The following SKAP2 variants were observed in gnomAD, a reference collection of about 807,000 sequenced individuals.
The protein encoded by SKAP2 is src kinase-associated phosphoprotein 2.
SKAP2 carries 28 observed loss-of-function variants against 54.9 expected under a neutral mutation model. The observed-to-expected ratio is 0.51, with a 90% CI of 0.38 to 0.70. The LOEUF is 0.70. Ranked by LOEUF, SKAP2 falls within the 30% of genes least tolerant of loss-of-function variation. The pLI is 0.00. For synonymous variants in SKAP2, 137 were observed against 134.3 expected, an observed-to-expected ratio of 1.02 and a Z score of -0.14; for missense variants, 356 against 424.1, an observed-to-expected ratio of 0.84 and a Z score of 1.41.
chr7:26,714,747 T>C (rs990728580), intron 9 of SKAP2, among the ~76,000 whole-genome samples: 11 of 152,260 alleles, frequency 7.2e-5, no homozygotes, highest in Admixed American at 4.6e-4. Context: ...TTCGTGTGGC[T>C]ATGTGTACAT....
At chr7:26,839,529 A>G (rs1298508999) in intron 4 of SKAP2, among the ~76,000 whole-genome samples, 1 of 152,156 alleles carries the variant, frequency 6.6e-6, no homozygotes, top group East Asian at 1.9e-4. Context: ...ACAAAATACA[A>G]AAGATAATTT....
intron 4 of SKAP2, among the ~76,000 whole-genome samples, chr7:26,802,824 T>C (rs1584398610): frequency 6.6e-6 from 1 of 151,974 alleles, no homozygotes; most frequent in African/African-American, 2.4e-5. Flanking sequence ...GAGGTTGCAG[T>C]GAGTCAAGAT....
At chr7:26,741,387 T>TA (rs1410974419) in intron 4 of SKAP2, among the ~76,000 whole-genome samples, 203 of 147,940 alleles carry the variant, frequency 1.4e-3, no homozygotes, top group Non-Finnish European at 2.3e-3. Flanking sequence ...TGTAGTGGTA[T>TA]ACGCGCCTGC....
At chr7:26,709,444 C>G (rs866350800) in intron 9 of SKAP2, among the ~76,000 whole-genome samples, 1 of 152,150 alleles carries the variant, frequency 6.6e-6, no homozygotes, top group Admixed American at 6.5e-5. Context: ...TGAATCTTAA[C>G]CTCAGCCTTC....
intron 4 of SKAP2, among the ~76,000 whole-genome samples, chr7:26,805,201 A>C (rs376161876): frequency 1.1e-4 from 17 of 152,298 alleles, no homozygotes; most frequent in East Asian, 9.7e-4. Context: ...TAAAATAAAA[A>C]ATTTTTAATC....
At chr7:26,852,594 T>A (rs1785067405) in intron 3 of SKAP2, among the ~76,000 whole-genome samples, 1 of 152,186 alleles carries the variant, frequency 6.6e-6, no homozygotes, top group East Asian at 1.9e-4. Flanking sequence ...TCAATTTCTA[T>A]CAAATACCAT....
intron 9 of SKAP2, among the ~76,000 whole-genome samples, chr7:26,716,255 G>T (rs1254137926): frequency 6.6e-6 from 1 of 152,116 alleles, no homozygotes; most frequent in African/African-American, 2.4e-5. Context: ...CTATGATTAA[G>T]AACTTGTCAA....
At chr7:26,732,437 T>C (rs1356950431) in intron 6 of SKAP2, among the ~76,000 whole-genome samples, 1 of 152,176 alleles carries the variant, frequency 6.6e-6, no homozygotes, top group Non-Finnish European at 1.5e-5. Context: ...AGAGCTGATA[T>C]TTTCCTAATA....
chr7:26,852,437 T>C (rs1369865884), intron 3 of SKAP2, among the ~76,000 whole-genome samples: 1 of 152,154 alleles, frequency 6.6e-6, no homozygotes, highest in African/African-American at 2.4e-5. Flanking sequence ...ATCTAATTCA[T>C]CTACAGGCTT....
chr7:26,822,821 T>G (rs1290808937), intron 4 of SKAP2, among the ~76,000 whole-genome samples: 1 of 150,550 alleles, frequency 6.6e-6, no homozygotes, highest in Non-Finnish European at 1.5e-5. Flanking sequence ...AGGCGGGGCT[T>G]GCAGTGAGCC....
chr7:26,779,558 AAGCATTT>A (rs1388794595), intron 4 of SKAP2, among the ~76,000 whole-genome samples: 1 of 152,058 alleles, frequency 6.6e-6, no homozygotes. Context: ...CCACATGACA[AAGCATTT>A]CAATTCATAT....
chr7:26,739,984 G>GA lies in SKAP2; in HGVS notation c.308-21dup, dbSNP rs778142041. 0.032 allele frequency: 41,805 copies of GA among 1,306,536 alleles called. 151 individuals carry two copies. The highest frequency in any genetic ancestry group is 0.048 in the Middle Eastern group (243 of 5,034). 80.9% of individuals were successfully genotyped at this position (1,306,536 alleles called of 1,614,324 possible). ...GGGCTCCTATGAGAAGTTGGGGAGA[G>GA]AAAAAAAAAAGCAGTGGGTAATCCA... On this transcript the variant is annotated intron_variant, in intron 4 of 12. Transcript: ENST00000345317.
intron 1 of SKAP2, among the ~76,000 whole-genome samples, chr7:26,861,591 C>G (rs1451388930): frequency 6.8e-6 from 1 of 147,614 alleles, no homozygotes; most frequent in Non-Finnish European, 1.5e-5. Context: ...TTACACAACA[C>G]ATGTGAGTTA....
chr7:26,829,524 G>A (rs1784560765), intron 4 of SKAP2, among the ~76,000 whole-genome samples: 1 of 152,028 alleles, frequency 6.6e-6, no homozygotes, highest in Non-Finnish European at 1.5e-5. Flanking sequence ...CAGCTTGGGT[G>A]ACAAAGCAAG....
chr7:26,716,252 T>G (rs1302592234), intron 9 of SKAP2, among the ~76,000 whole-genome samples: 2 of 152,210 alleles, frequency 1.3e-5, no homozygotes, highest in African/African-American at 4.8e-5. Flanking sequence ...CCACTATGAT[T>G]AAGAACTTGT....
intron 4 of SKAP2, among the ~76,000 whole-genome samples, chr7:26,782,883 T>A (rs1374333241): frequency 6.6e-6 from 1 of 152,150 alleles, no homozygotes; most frequent in Non-Finnish European, 1.5e-5. Flanking sequence ...CTTCCCAACC[T>A]CCAGAACTGT....
the SKAP2 span, among the ~76,000 whole-genome samples, chr7:26,660,679 T>A: frequency 6.6e-6 from 1 of 152,042 alleles, no homozygotes; most frequent in Non-Finnish European, 1.5e-5. Context: ...GTAATGATAA[T>A]AATATAAACA....
chr7:26,828,311 T>C (rs531590385), intron 4 of SKAP2, among the ~76,000 whole-genome samples: 20 of 152,336 alleles, frequency 1.3e-4, no homozygotes, highest in African/African-American at 4.8e-4. Context: ...GATAGCGGTA[T>C]ATAAACAAAA....
intron 4 of SKAP2, among the ~76,000 whole-genome samples, chr7:26,831,041 A>C (rs968943312): frequency 6.6e-6 from 1 of 152,088 alleles, no homozygotes; most frequent in African/African-American, 2.4e-5. Context: ...TTTCCTAATA[A>C]TTTGGGACCA....
Sources: allele counts gnomAD v4.1 joint callset (sites outside exome capture counted in the v4.1 genomes callset), GRCh38; gene constraint gnomAD v4.1.1; transcripts MANE v1.5; gene names NCBI Gene and HGNC (gene_info 2026-07-23, HGNC 2026-07-21).